The following TENM3 variants were observed in gnomAD, a reference collection of about 807,000 sequenced individuals.
TENM3 encodes the protein teneurin transmembrane protein 3, also known as teneurin-3.
TENM3 carries 63 observed loss-of-function variants against 255.1 expected under a neutral mutation model. That is an observed-to-expected ratio of 0.25 (90% CI 0.20 to 0.30). The LOEUF (loss-of-function observed/expected upper bound fraction) is 0.30, where lower values mean the gene tolerates loss of function less well. Among genes scored for constraint, TENM3 ranks in the 10% least tolerant of loss-of-function variants. The pLI, the probability that TENM3 is intolerant of heterozygous loss-of-function variation, is 1.00. For synonymous variants in TENM3, 1,306 were observed against 1,322.3 expected (o/e 0.99, Z 0.27); for missense variants, 2,929 against 3,461.1 (o/e 0.85, Z 3.86).
intron 3 of TENM3, among the ~76,000 whole-genome samples, chr4:182,570,661 C>T (rs1291367703): frequency 5.3e-5 from 8 of 152,006 alleles, no homozygotes; most frequent in Non-Finnish European, 8.8e-5. Context: ...CATCCTGGCT[C>T]ATCTCTACTA....
chr4:182,099,571 A>T, the TENM3 span, among the ~76,000 whole-genome samples: 2 of 152,178 alleles, frequency 1.3e-5, no homozygotes, highest in African/African-American at 4.8e-5. Flanking sequence ...TAGGAAATTC[A>T]AATCTCATTG....
chr4:182,193,691 T>G (rs533590804), intron 1 of TENM3, among the ~76,000 whole-genome samples: 1 of 152,334 alleles, frequency 6.6e-6, no homozygotes, highest in South Asian at 2.1e-4. Flanking sequence ...CTGACCTATT[T>G]GGGTAGATGT....
At chr4:182,297,496 T>A (rs542474345) in intron 1 of TENM3, among the ~76,000 whole-genome samples, 1 of 152,340 alleles carries the variant, frequency 6.6e-6, no homozygotes, top group South Asian at 2.1e-4. Context: ...TAATTCACCA[T>A]CCTGTGGTTT....
At chr4:182,595,519 G>A (rs189546780) in intron 3 of TENM3, among the ~76,000 whole-genome samples, 67 of 152,176 alleles carry the variant, frequency 4.4e-4, no homozygotes, top group African/African-American at 1.2e-3. Context: ...TAATCTCTAT[G>A]ATTAATGTGA....
At chr4:182,041,425 G>A in the TENM3 span, among the ~76,000 whole-genome samples, 2 of 152,052 alleles carry the variant, frequency 1.3e-5, no homozygotes, top group Admixed American at 1.3e-4. Context: ...TGGAAAAAAA[G>A]CAAAGACTCT....
chr4:182,346,154 A>G (rs914910655), intron 2 of TENM3, among the ~76,000 whole-genome samples: 2 of 152,214 alleles, frequency 1.3e-5, no homozygotes, highest in Non-Finnish European at 2.9e-5. Flanking sequence ...GCGGAAAAAT[A>G]TAAGAAGAAT....
At chr4:181,710,109 A>G in the TENM3 span, among the ~76,000 whole-genome samples, 137,780 of 152,088 alleles carry the variant, frequency 0.91, 62,534 homozygotes, top group East Asian at 0.94. Context: ...AGACCCATCA[A>G]CACATACATA....
At chr4:182,287,464 C>T (rs1000773302) in intron 1 of TENM3, among the ~76,000 whole-genome samples, 4 of 152,144 alleles carry the variant, frequency 2.6e-5, no homozygotes, top group African/African-American at 7.2e-5. Context: ...TCTTCGTTTC[C>T]GTTCCTAAGG....
intron 3 of TENM3, among the ~76,000 whole-genome samples, chr4:182,498,204 CAT>C (rs1443778786): frequency 2.0e-5 from 3 of 152,080 alleles, no homozygotes; most frequent in Non-Finnish European, 2.9e-5. Context: ...ATATCTAAGA[CAT>C]AGGCTTCTTG....
chr4:181,861,092 C>T, the TENM3 span, among the ~76,000 whole-genome samples: 1 of 152,140 alleles, frequency 6.6e-6, no homozygotes, highest in Non-Finnish European at 1.5e-5. Flanking sequence ...TTCAGCAGGC[C>T]TTGTGTCCCT....
At chr4:182,242,319 T>C (rs1223622424), upstream of TENM3, among the ~76,000 whole-genome samples, 1 of 152,162 alleles carries the variant, frequency 6.6e-6, no homozygotes, top group Non-Finnish European at 1.5e-5. Flanking sequence ...TTTGTTTTTT[T>C]TTCCTTGCAA....
rs1323186397 is a variant in TENM3, at chr4:182,206,784, G to C, written c.-76+62030G>C. ...TTGCTCAAGGAGTAAAAAATTAGCA[G>C]AAGTTACTGAGTATTCATCTGGGGG... is the stretch of plus-strand genomic sequence containing the variant. On this transcript the variant is annotated intron_variant, in intron 1 of 2. Coordinates refer to the TENM3 transcript ENST00000512480. Among the ~76,000 whole-genome samples, 3 of 152,142 alleles carry C rather than the reference G, an allele frequency of 2.0e-5. No homozygotes were observed. The East Asian group carries it at 5.8e-4, about 29-fold the overall frequency.
the TENM3 span, among the ~76,000 whole-genome samples, chr4:182,122,259 G>A: frequency 1.3e-5 from 2 of 152,104 alleles, no homozygotes; most frequent in Admixed American, 6.6e-5. Flanking sequence ...TCCTGTTAAT[G>A]TTGACCTCCT....
In TENM3 at chr4:182,792,482, C is replaced by T. The variant is rs747639056; in HGVS notation, c.5810C>T (p.Thr1937Ile). ...AACGAGGAAGGGCTGCTTCTACAAA[C>T]AGCTTTCTTGGGTACAAGTCGGAGG... ...DYNEEGLLLQ[T>I]AFLGTSRRVL... The change falls in exon 26 of 28, where the codon ACA becomes ATA. Residue 1937 changes from threonine (T) to isoleucine (I), a missense_variant. Physicochemically the swap from Thr to Ile is moderately conservative, Grantham distance 89 (BLOSUM62 -1). Coordinates refer to ENST00000511685, the MANE Select transcript of TENM3 (RefSeq NM_001080477.4). The surrounding 1 kb of genome is among the most constrained non-coding windows in gnomAD (Gnocchi z 6.3). The T allele has an allele frequency of 6.2e-7, 1 of 1,614,036 alleles. No individual in the cohort carries two copies. Among genetic ancestry groups the T allele is most frequent in the Non-Finnish European group, 8.5e-7 (1 of 1,179,902 alleles).
intron 3 of TENM3, among the ~76,000 whole-genome samples, chr4:182,354,477 C>T (rs1765393841): frequency 6.6e-6 from 1 of 152,262 alleles, no homozygotes; most frequent in Admixed American, 6.5e-5. Context: ...ATAGAACCTT[C>T]GTTTATTTGC....
the TENM3 span, among the ~76,000 whole-genome samples, chr4:181,622,236 C>T: frequency 6.6e-6 from 1 of 152,138 alleles, no homozygotes; most frequent in African/African-American, 2.4e-5. Flanking sequence ...TATGTGTGCC[C>T]CACTGCCTCT....
the TENM3 span, among the ~76,000 whole-genome samples, chr4:181,867,523 T>C: frequency 1.1e-4 from 16 of 152,210 alleles, no homozygotes; most frequent in Admixed American, 3.9e-4. Flanking sequence ...ATTACACTTC[T>C]TTGTTTGCTT....
At chr4:182,085,584 T>G in the TENM3 span, among the ~76,000 whole-genome samples, 1 of 152,212 alleles carries the variant, frequency 6.6e-6, no homozygotes, top group Non-Finnish European at 1.5e-5. Context: ...TATTAATATT[T>G]TTTCTTCAAT....
At chr4:182,667,888 T>C (rs1754842168) in intron 6 of TENM3, among the ~76,000 whole-genome samples, 1 of 151,900 alleles carries the variant, frequency 6.6e-6, no homozygotes, top group Non-Finnish European at 1.5e-5. Context: ...ATATGGCGCA[T>C]GTATACATAT....
Sources: allele counts gnomAD v4.1 joint callset (sites outside exome capture counted in the v4.1 genomes callset), GRCh38; gene constraint gnomAD v4.1.1; non-coding constraint Gnocchi (gnomAD v3.1); transcripts MANE v1.5; gene names NCBI Gene and HGNC (gene_info 2026-07-23, HGNC 2026-07-21).